Variants in CTNNA1 observed in about 807,000 individuals in gnomAD.
CTNNA1 encodes the protein catenin alpha-1.
In CTNNA1, 37 loss-of-function variants were observed where a neutral mutation model predicts 98.4. The ratio of observed to expected loss-of-function variants is 0.38; its 90% confidence interval spans 0.29 to 0.49. The LOEUF (loss-of-function observed/expected upper bound fraction) is 0.49. CTNNA1 is among the 20% of genes least tolerant of loss of function. The pLI is 0.95. For synonymous variants in CTNNA1, 404 were observed against 413.2 expected, an observed-to-expected ratio of 0.98 and a Z score of 0.27; for missense variants, 761 against 1,147.2, an observed-to-expected ratio of 0.66 and a Z score of 4.86.
At chr5:138,864,630 C>T (rs1764570482) in intron 7 of CTNNA1, among the ~76,000 whole-genome samples, 1 of 152,102 alleles carries the variant, frequency 6.6e-6, no homozygotes. Context: ...TTAGCTTAGC[C>T]TATGCACAGG....
chr5:138,913,122 G>T (rs1761012639), intron 10 of CTNNA1, among the ~76,000 whole-genome samples: 1 of 150,228 alleles, frequency 6.7e-6, no homozygotes, highest in South Asian at 2.1e-4. Context: ...CTTTCATTCA[G>T]TTTCGTTGAA....
intron 6 of CTNNA1, among the ~76,000 whole-genome samples, chr5:138,825,642 C>T (rs1760640270): frequency 6.6e-6 from 1 of 150,732 alleles, no homozygotes; most frequent in Admixed American, 6.6e-5. Context: ...CAATGGAGTG[C>T]ATTTTGTTTT....
intron 1 of CTNNA1, among the ~76,000 whole-genome samples, chr5:138,777,872 G>T (rs1380928663): frequency 1.6e-5 from 2 of 124,830 alleles, no homozygotes; most frequent in South Asian, 3.0e-4. Context: ...GGGAGACCGT[G>T]GGGAGAGGGA....
chr5:138,779,098 C>T lies in CTNNA1; in HGVS notation c.-2-2825C>T, dbSNP rs373954497. Among the ~76,000 whole-genome samples the T allele has an allele frequency of 3.3e-5, 5 of 152,040 alleles. No homozygotes were observed. In the East Asian group the frequency reaches 7.7e-4, roughly 23 times the overall value. On this transcript the variant is annotated intron_variant, in intron 1 of 17. Transcript: ENST00000302763. ...TTCACCACATTGGCCAGGCTGGTCT[C>T]GAACTCCTGACCTCAGGTGATCCAC...
chr5:138,786,141 A>G (rs1380765972), intron 3 of CTNNA1, among the ~76,000 whole-genome samples: 3 of 152,170 alleles, frequency 2.0e-5, no homozygotes, highest in Non-Finnish European at 4.4e-5. Flanking sequence ...CACTTTTGCA[A>G]TTATTTATTA....
Position 138,865,746 on chromosome 5 carries a change from A to T in CTNNA1, c.1063-20466A>T, listed in dbSNP as rs76149897. 6.9e-3 allele frequency among the ~76,000 whole-genome samples: 1,053 copies of T among 152,314 alleles called. 16 individuals carry two copies. Among genetic ancestry groups the T allele is most frequent in the African/African-American group, 0.024 (1,003 of 41,554 alleles). On this transcript the variant is annotated intron_variant, in intron 7 of 17. Coordinates refer to ENST00000302763, the MANE Select transcript of CTNNA1 (RefSeq NM_001903.5). ...AATTTTAAGACGTTCTTGCATCCTG[A>T]AACGTATTCTGGACCCTTGGGGTTA...
intron 7 of CTNNA1, among the ~76,000 whole-genome samples, chr5:138,851,573 C>T (rs374032428): frequency 6.6e-6 from 1 of 150,800 alleles, no homozygotes; most frequent in African/African-American, 2.4e-5. Context: ...GCCTGGCCAA[C>T]ATGGTGAAAC....
chr5:138,791,638 A>G (rs966628515), intron 3 of CTNNA1, among the ~76,000 whole-genome samples: 1 of 149,304 alleles, frequency 6.7e-6, no homozygotes, highest in Non-Finnish European at 1.5e-5. Context: ...AAAAAAAAAA[A>G]AAAAGGGTCT....
At chr5:138,779,461 T>G (rs1021207723) in intron 1 of CTNNA1, among the ~76,000 whole-genome samples, 1 of 152,200 alleles carries the variant, frequency 6.6e-6, no homozygotes, top group Non-Finnish European at 1.5e-5. Context: ...TTGTTAGTCT[T>G]GTCCCCTTTC....
intron 3 of CTNNA1, 63 bp downstream of exon 3, chr5:138,783,435 G>A (rs1755355427): frequency 6.9e-7 from 1 of 1,442,922 alleles, no homozygotes; most frequent in Admixed American, 2.1e-5. Context: ...AGTGTTTGAA[G>A]ATTTTTTTTG....
intron 3 of CTNNA1, among the ~76,000 whole-genome samples, chr5:138,808,837 G>A (rs1758378445): frequency 6.6e-6 from 1 of 151,950 alleles, no homozygotes; most frequent in African/African-American, 2.4e-5. Flanking sequence ...GGCCCTATTT[G>A]TATAACCAGT....
chr5:138,932,526 G>T, intron 16 of CTNNA1, 52 bp from the exon 17 acceptor site: 1 of 1,603,076 alleles, frequency 6.2e-7, no homozygotes, highest in Non-Finnish European at 8.5e-7. Context: ...GTGGGGTCGG[G>T]GGTGCTTGGG....
intron 7 of CTNNA1, among the ~76,000 whole-genome samples, chr5:138,847,367 A>G (rs1762814447): frequency 6.6e-6 from 1 of 151,832 alleles, no homozygotes; most frequent in Admixed American, 6.6e-5. Flanking sequence ...GTCTGGTTAC[A>G]TTGTCCAAGC....
intron 3 of CTNNA1, among the ~76,000 whole-genome samples, chr5:138,808,834 TTTGTA>T (rs1014163505): frequency 2.6e-5 from 4 of 152,064 alleles, no homozygotes; most frequent in African/African-American, 9.7e-5. Context: ...AGAGGCCCTA[TTTGTA>T]TAACCAGTGG....
intron 7 of CTNNA1, among the ~76,000 whole-genome samples, chr5:138,860,496 G>GTTTGTTTTGT (rs59940464): frequency 4.8e-4 from 72 of 150,230 alleles, no homozygotes; most frequent in Middle Eastern, 3.4e-3. Flanking sequence ...GGTTTTTTTT[G>GTTTGTTTTGT]TTTGTTTTGT....
intron 3 of CTNNA1, among the ~76,000 whole-genome samples, chr5:138,789,757 C>T (rs1410430952): frequency 6.6e-6 from 1 of 152,058 alleles, no homozygotes; most frequent in African/African-American, 2.4e-5. Context: ...CACCCGGCTG[C>T]AGGAGAGGTT....
chr5:138,925,738 T>G (rs1190969843), intron 13 of CTNNA1, among the ~76,000 whole-genome samples: 1 of 152,182 alleles, frequency 6.6e-6, no homozygotes, highest in Non-Finnish European at 1.5e-5. Context: ...GAAGGAAGTA[T>G]TTTCATAATG....
chr5:138,814,207 T>C (rs1034091398), intron 5 of CTNNA1, among the ~76,000 whole-genome samples: 3 of 152,064 alleles, frequency 2.0e-5, no homozygotes, highest in Non-Finnish European at 4.4e-5. Context: ...TACATGGTAA[T>C]ATAGCTAGGT....
At chr5:138,911,984 T>G (rs1044855469) in intron 10 of CTNNA1, among the ~76,000 whole-genome samples, 1 of 152,132 alleles carries the variant, frequency 6.6e-6, no homozygotes, top group Admixed American at 6.5e-5. Context: ...AAAGATGGTT[T>G]GGGGAAAGAG....
Sources: gnomAD v4.1 joint callset for allele counts (sites outside exome capture counted in the v4.1 genomes callset) on GRCh38, gnomAD v4.1.1 for gene constraint, MANE v1.5 for transcripts, NCBI Gene and HGNC (gene_info 2026-07-23, HGNC 2026-07-21) for gene names.